PUS7L: variants seen among roughly 807,000 people sequenced by gnomAD.
PUS7L encodes pseudouridine synthase 7 like.
PUS7L carries 49 observed loss-of-function variants against 51.1 expected under a neutral mutation model. That is an observed-to-expected ratio of 0.96 (90% CI 0.76 to 1.22). The LOEUF is 1.22. PUS7L is among the 50% of genes most tolerant of loss of function. The pLI is 0.00. For synonymous variants in PUS7L, 277 were observed against 276.2 expected (o/e 1.00, Z -0.03); for missense variants, 828 against 820.6 (o/e 1.01, Z -0.11).
Position 43,724,585 on chromosome 12 carries a change from A to G in PUS7L, c.*5791T>C, listed in dbSNP as rs552104551. 3 of 152,258 alleles carry G rather than the reference A, an allele frequency of 2.0e-5. No homozygotes were observed. The highest frequency in any genetic ancestry group is 1.3e-4 in the Admixed American group (2 of 15,296). The allele number at this position is 152,258 out of a possible 1,614,324, so 9.4% of individuals were successfully genotyped here. A position where few individuals can be genotyped will look rare whatever the true frequency, so the allele number is the denominator to read the frequency against. ...TGCTCATAATGTCTCAAATTTGTAT[A>G]TATTTCATAATTTTGTTTGATGCAA... On this transcript the variant is annotated 3_prime_UTR_variant, in exon 9 of 9. Transcript: ENST00000344862.
chr12:43,739,109 G>C (rs1481988996), intron 5 of PUS7L: 1 of 152,750 alleles, frequency 6.5e-6, no homozygotes, highest in Non-Finnish European at 1.5e-5. Flanking sequence ...AATGCAAGCA[G>C]CTGTAAAGTG....
intron 2 of PUS7L, among the ~76,000 whole-genome samples, chr12:43,750,863 G>A (rs1459975146): frequency 2.6e-5 from 4 of 152,226 alleles, no homozygotes; most frequent in Non-Finnish European, 5.9e-5. Flanking sequence ...TGGAATTCAG[G>A]AAGGCTGAGT....
At chr12:43,738,660 C>A (rs1362856178) in intron 5 of PUS7L, among the ~76,000 whole-genome samples, 1 of 151,892 alleles carries the variant, frequency 6.6e-6, no homozygotes, top group East Asian at 1.9e-4. Flanking sequence ...CTACTTTTGT[C>A]ATTTTTTTTA....
intron 3 of PUS7L, among the ~76,000 whole-genome samples, chr12:43,747,730 G>A (rs1159900904): frequency 6.6e-6 from 1 of 152,178 alleles, no homozygotes. Context: ...GTTTTTGTGT[G>A]ATGTAGTCTC....
At chr12:43,733,773 C>T (rs1230224529) in intron 7 of PUS7L, among the ~76,000 whole-genome samples, 1 of 150,868 alleles carries the variant, frequency 6.6e-6, no homozygotes, top group East Asian at 1.9e-4. Flanking sequence ...ATTGACATAT[C>T]TCTTCTCCCC....
intron 5 of PUS7L, chr12:43,739,433 C>G (rs984882848): frequency 3.3e-5 from 5 of 152,148 alleles, no homozygotes; most frequent in African/African-American, 1.2e-4. Flanking sequence ...CCACAAATAT[C>G]TTTTTTGTTT....
intron 8 of PUS7L, among the ~76,000 whole-genome samples, chr12:43,731,116 C>G (rs924396280): frequency 1.3e-5 from 2 of 152,160 alleles, no homozygotes; most frequent in Non-Finnish European, 2.9e-5. Flanking sequence ...TCTTCCAGAA[C>G]AAGAAAACAA....
Position 43,719,527 on chromosome 12 carries a change from G to T in PUS7L, c.*10849C>A, listed in dbSNP as rs568254023. ...TCTTCTTTATTTTTTCTAATCTCAG[G>T]AAAGTTTGTGTAGACTTGAATTATT... On this transcript the variant is annotated 3_prime_UTR_variant, in exon 9 of 9. Transcript: ENST00000344862. The T allele has an allele frequency of 7.2e-5, 11 of 152,152 alleles. No individual in the cohort carries two copies. Among genetic ancestry groups the T allele is most frequent in the African/African-American group, 2.6e-4 (11 of 41,514 alleles). The allele number at this position is 152,152 out of a possible 1,614,324, so 9.4% of individuals were successfully genotyped here. A position where few individuals can be genotyped will look rare whatever the true frequency, so the allele number is the denominator to read the frequency against.
At position 43,724,995 on chromosome 12, in the gene PUS7L, C is replaced by T. The variant is rs935824754; in HGVS notation, c.*5381G>A. The T allele has an allele frequency of 6.6e-6, 1 of 152,126 alleles. No individual in the cohort carries two copies. Among genetic ancestry groups the T allele is most frequent in the Non-Finnish European group, 1.5e-5 (1 of 68,004 alleles). 9.4% of individuals were successfully genotyped at this position (152,126 alleles called of 1,614,324 possible). On this transcript the variant is annotated 3_prime_UTR_variant, in exon 9 of 9. Transcript: ENST00000344862. The stretch of plus-strand genomic sequence containing the variant: ...TAGCTACATATTATATTGTTGACTG[C>T]TGATGTTTCTGAGCCTGAGGCCTGC...
At position 43,725,765 on chromosome 12, in the gene PUS7L, G is replaced by GC. The variant is rs1483471221; in HGVS notation, c.*4610dup. On this transcript the variant is annotated 3_prime_UTR_variant, in exon 9 of 9. Coordinates refer to ENST00000344862, the MANE Select transcript of PUS7L (RefSeq NM_031292.5). ...GATGAAAACAGTACTGATTTAAGAA[G>GC]CATAATCAAGCTCAACCACACGCTA... 6.6e-6 allele frequency: 1 copy of GC among 152,134 alleles called. No individual in the cohort carries two copies. Among genetic ancestry groups the GC allele is most frequent in the Non-Finnish European group, 1.5e-5 (1 of 68,032 alleles). 9.4% of individuals were successfully genotyped at this position (152,134 alleles called of 1,614,324 possible).
chr12:43,747,001 A>G (rs1344183349), intron 3 of PUS7L, among the ~76,000 whole-genome samples: 1 of 152,238 alleles, frequency 6.6e-6, no homozygotes, highest in East Asian at 1.9e-4. Context: ...CTTCTTGACC[A>G]CAAAAGCAAA....
rs1333540018 is a variant in PUS7L, at chr12:43,722,786, G to T, written c.*7590C>A. 1 of 152,024 alleles carries T rather than the reference G, an allele frequency of 6.6e-6. No homozygotes were observed. The highest frequency in any genetic ancestry group is 2.4e-5 in the African/African-American group (1 of 41,430). The allele number at this position is 152,024 out of a possible 1,614,324, so 9.4% of individuals were successfully genotyped here. On this transcript the variant is annotated 3_prime_UTR_variant, in exon 9 of 9. Transcript: ENST00000344862. ...GCTCAGATTAAAACCCTATTGTACT[G>T]AAAAACTCAGAATCCTGACTTAACT...
At chr12:43,750,583 T>G (rs1173612655) in intron 2 of PUS7L, among the ~76,000 whole-genome samples, 2 of 152,198 alleles carry the variant, frequency 1.3e-5, no homozygotes, top group African/African-American at 4.8e-5. Flanking sequence ...AATTCAATTT[T>G]AGAGACTTCC....
At chr12:43,748,750 A>G in intron 2 of PUS7L, 141 bp from the exon 3 acceptor site, 1 of 730,138 alleles carries the variant, frequency 1.4e-6, no homozygotes. Context: ...TTTGTGATGG[A>G]GTGTCACTCT....
At position 43,728,107 on chromosome 12, in the gene PUS7L, C is replaced by T. The variant is rs1237271904; in HGVS notation, c.*2269G>A. The T allele has an allele frequency of 6.6e-6, 1 of 151,198 alleles. No individual in the cohort carries two copies. Among genetic ancestry groups the T allele is most frequent in the African/African-American group, 2.4e-5 (1 of 41,212 alleles). 9.4% of individuals were successfully genotyped at this position (151,198 alleles called of 1,614,324 possible). On this transcript the variant is annotated 3_prime_UTR_variant, in exon 9 of 9. Coordinates refer to ENST00000344862, the MANE Select transcript of PUS7L (RefSeq NM_031292.5). ...ATGCTTATGAAGGTCTGAAATGCCC[C>T]AGCAAAACTGCAAAAACCTAAGTGA...
At chr12:43,734,803 A>T (rs1308082300) in intron 7 of PUS7L, among the ~76,000 whole-genome samples, 1 of 152,194 alleles carries the variant, frequency 6.6e-6, no homozygotes, top group Non-Finnish European at 1.5e-5. Context: ...ATTAAAAAAG[A>T]GTGTCTCTAA....
In PUS7L at chr12:43,748,729, G is replaced by A. The variant is rs1177192781; in HGVS notation, c.911-120C>T. On this transcript the variant is annotated intron_variant, in intron 2 of 8. Transcript: ENST00000344862. The stretch of plus-strand genomic sequence containing the variant: ...TAATCTAAGGAGTTTTGTTGTTGTT[G>A]TTGTTGTTGTTTTGTGATGGAGTGT... 16 of 879,278 alleles carry A rather than the reference G, an allele frequency of 1.8e-5. No homozygotes were observed. In the Admixed American group the frequency reaches 4.9e-4, roughly 27 times the overall value. The allele number at this position is 879,278 out of a possible 1,614,324, so 54.5% of individuals were successfully genotyped here. A position where few individuals can be genotyped will look rare whatever the true frequency, so the allele number is the denominator to read the frequency against.
rs370856417 is a variant in PUS7L at position 43,754,723 on chromosome 12, A to G, written c.523T>C (p.Leu175=). The G allele has an allele frequency of 1.2e-6, 2 of 1,613,868 alleles. No homozygotes were observed. Among genetic ancestry groups the G allele is most frequent in the African/African-American group, 2.7e-5 (2 of 74,920 alleles). The part of the protein sequence containing the change: ...RILDKNQRAS[L]HSAIRQKFPF... ...AATTTCTGCCTAATGGCACTGTGTA[A>G]ACTAGCCCTCTGGTTTTTGTCAAGG... The change falls in exon 2 of 9, where the codon TTA becomes CTA. Residue 175 remains leucine, a synonymous_variant. Coordinates refer to ENST00000344862, the MANE Select transcript of PUS7L (RefSeq NM_031292.5).
Position 43,747,184 on chromosome 12 carries a change from T to C in PUS7L, c.1071-946A>G, listed in dbSNP as rs1466875868. ...CATTTTGAAGTTTATCTTAAGGAAA[T>C]TATAAGTTACAGATTTAAGTATAAG... is the stretch of plus-strand genomic sequence containing the variant. On this transcript the variant is annotated intron_variant, in intron 3 of 8. Transcript: ENST00000344862. Among the ~76,000 whole-genome samples, 3 of 152,166 alleles carry C rather than the reference T, an allele frequency of 2.0e-5. No homozygotes were observed. In the East Asian group the frequency reaches 5.8e-4, roughly 29 times the overall value.
Sources: allele counts gnomAD v4.1 joint callset (sites outside exome capture counted in the v4.1 genomes callset), GRCh38; gene constraint gnomAD v4.1.1; transcripts MANE v1.5; gene names NCBI Gene and HGNC (gene_info 2026-07-23, HGNC 2026-07-21).